The following MPPED2 variants were observed in gnomAD, a reference collection of about 807,000 sequenced individuals.
The protein encoded by MPPED2 is metallophosphoesterase MPPED2.
MPPED2 carries 5 observed loss-of-function variants against 33.0 expected under a neutral mutation model. The observed-to-expected ratio is 0.15, with a 90% CI of 0.08 to 0.32. The LOEUF (loss-of-function observed/expected upper bound fraction) is 0.32. Among genes scored for constraint, MPPED2 ranks in the 10% least tolerant of loss-of-function variants. The pLI is 1.00. For synonymous variants in MPPED2, 136 were observed against 141.9 expected (o/e 0.96, Z 0.29); for missense variants, 275 against 372.1 (o/e 0.74, Z 2.15).
chr11:30,487,555 C>T lies in MPPED2; in HGVS notation c.536+7741G>A, dbSNP rs1169547481. Among the ~76,000 whole-genome samples, 3 of 152,208 alleles carry T rather than the reference C, an allele frequency of 2.0e-5. No individual in the cohort carries two copies. The East Asian group carries it at 5.8e-4, about 29-fold the overall frequency. ...TGAGTGCAGGGGTGTGCTCACGGCT[C>T]ATTGCAACATCGACCTCCCAGACTC... is the stretch of plus-strand genomic sequence containing the variant. On this transcript the variant is annotated intron_variant, in intron 4 of 6. Coordinates refer to ENST00000358117, the MANE Select transcript of MPPED2 (RefSeq NM_001584.3).
In MPPED2 at chr11:30,470,427, G is replaced by C. The variant is rs559868307; in HGVS notation, c.536+24869C>G. Among the ~76,000 whole-genome samples the C allele has an allele frequency of 6.6e-5, 10 of 152,284 alleles. No individual in the cohort carries two copies. The South Asian group carries it at 1.9e-3, about 28-fold the overall frequency. ...AGTAATCGTCTGGAGACAGGGGGTA[G>C]AGGGCAGAGAAATGGCCATTAGTAG... is the stretch of plus-strand genomic sequence containing the variant. On this transcript the variant is annotated intron_variant, in intron 4 of 6. Coordinates refer to ENST00000358117, the MANE Select transcript of MPPED2 (RefSeq NM_001584.3).
chr11:30,580,193 TTC>T (rs869311575), intron 2 of MPPED2, 51 bp downstream of exon 2: 1 of 1,573,212 alleles, frequency 6.4e-7, no homozygotes, highest in Non-Finnish European at 8.7e-7. Flanking sequence ...TTTCTTTTTT[TTC>T]TTTTTATTTT....
chr11:30,502,337 T>A (rs1952608619), intron 3 of MPPED2, among the ~76,000 whole-genome samples: 1 of 152,188 alleles, frequency 6.6e-6, no homozygotes, highest in Non-Finnish European at 1.5e-5. Context: ...ATATTAAGCA[T>A]TTATGGCCCT....
intron 6 of MPPED2, among the ~76,000 whole-genome samples, chr11:30,389,401 G>T (rs929756444): frequency 1.3e-5 from 2 of 152,102 alleles, no homozygotes; most frequent in Non-Finnish European, 2.9e-5. Flanking sequence ...GATGCCCTGG[G>T]GATTGTCTAT....
intron 4 of MPPED2, among the ~76,000 whole-genome samples, chr11:30,471,697 C>T (rs537549713): frequency 3.9e-4 from 60 of 152,268 alleles, no homozygotes; most frequent in African/African-American, 1.4e-3. Flanking sequence ...TTGTCCATTC[C>T]CATATTCCCA....
At chr11:30,558,757 C>T (rs1177714357) in intron 2 of MPPED2, among the ~76,000 whole-genome samples, 1 of 151,930 alleles carries the variant, frequency 6.6e-6, no homozygotes, top group Admixed American at 6.6e-5. Context: ...TTTCTCCCTC[C>T]CTCTTTCCTT....
intron 4 of MPPED2, among the ~76,000 whole-genome samples, chr11:30,417,890 A>G (rs539449104): frequency 2.6e-5 from 4 of 152,280 alleles, no homozygotes; most frequent in Non-Finnish European, 5.9e-5. Flanking sequence ...GCAGGCCTCT[A>G]TCAAAATCTT....
rs867480811 is a variant in MPPED2, at chr11:30,510,644, T to C, written c.311-15123A>G. 5.3e-5 allele frequency among the ~76,000 whole-genome samples: 8 copies of C among 152,358 alleles called. No individual in the cohort carries two copies. In the South Asian group the frequency reaches 1.7e-3, roughly 32 times the overall value. On this transcript the variant is annotated intron_variant, in intron 3 of 6. Coordinates refer to ENST00000358117, the MANE Select transcript of MPPED2 (RefSeq NM_001584.3). ...AGATTATTTTCCTCAGAGTGGAAGC[T>C]AAGGCTCAGATCATTGACTCTTAAA...
chr11:30,423,422 T>C (rs1025010167), intron 4 of MPPED2, among the ~76,000 whole-genome samples: 7 of 152,150 alleles, frequency 4.6e-5, no homozygotes, highest in African/African-American at 1.7e-4. Flanking sequence ...TTGGAAGCCT[T>C]GGGGCAGCTG....
chr11:30,534,965 A>G (rs1267672213), intron 3 of MPPED2, among the ~76,000 whole-genome samples: 2 of 152,206 alleles, frequency 1.3e-5, no homozygotes, highest in African/African-American at 4.8e-5. Context: ...TTAAATGAAA[A>G]CAGCCAAAAG....
At chr11:30,509,181 G>C (rs769322605) in intron 3 of MPPED2, among the ~76,000 whole-genome samples, 41 of 152,060 alleles carry the variant, frequency 2.7e-4, no homozygotes, top group Non-Finnish European at 5.3e-4. Flanking sequence ...TTATACAGGG[G>C]CTTTTTTTAC....
intron 1 of MPPED2, chr11:30,585,030 T>C (rs1957395242): frequency 6.6e-6 from 1 of 152,198 alleles, no homozygotes; most frequent in African/African-American, 2.4e-5. Flanking sequence ...ATAAATCAAC[T>C]TCACTGGGGC....
chr11:30,458,922 T>C (rs1950401000), intron 4 of MPPED2, among the ~76,000 whole-genome samples: 1 of 125,058 alleles, frequency 8.0e-6, no homozygotes, highest in African/African-American at 3.0e-5. Context: ...TTCTTTTTTT[T>C]TTTTTTTTTT....
intron 2 of MPPED2, among the ~76,000 whole-genome samples, chr11:30,569,846 G>T (rs940641042): frequency 6.6e-6 from 1 of 152,108 alleles, no homozygotes; most frequent in African/African-American, 2.4e-5. Context: ...AAGCCAAGTT[G>T]CAATTTTGTC....
rs1948106028 is a variant in MPPED2, at chr11:30,411,575, T to C, written c.778A>G (p.Met260Val). The change falls in exon 7 of 7, where the codon ATG (methionine) becomes GTG (valine). Residue 260 changes from methionine to valine, a missense_variant. Met to Val is a conservative substitution (Grantham distance 21). Transcript: ENST00000358117. ...ATGTACGTTGTGTAACCGTCGGTCA[T>C]GATGCCATAACCTGTGGGGAGAGCG... The part of the protein sequence containing the change: ...FGGIHEGYGI[M>V]TDGYTTYINA... The C allele has an allele frequency of 1.2e-6, 2 of 1,613,374 alleles. No homozygotes were observed. The highest frequency in any genetic ancestry group is 1.7e-6 in the Non-Finnish European group (2 of 1,179,432).
intron 4 of MPPED2, among the ~76,000 whole-genome samples, chr11:30,430,401 A>T (rs1949025884): frequency 6.6e-6 from 1 of 152,234 alleles, no homozygotes; most frequent in African/African-American, 2.4e-5. Context: ...TGTTTAAATG[A>T]TTGCTTTCTG....
intron 3 of MPPED2, among the ~76,000 whole-genome samples, chr11:30,498,183 T>C (rs1952371000): frequency 6.6e-6 from 1 of 152,092 alleles, no homozygotes; most frequent in Non-Finnish European, 1.5e-5. Context: ...CCTGCCTTTT[T>C]CCATTTTATT....
chr11:30,404,198 G>A (rs938385273), intron 6 of MPPED2, among the ~76,000 whole-genome samples: 4 of 152,224 alleles, frequency 2.6e-5, no homozygotes, highest in Admixed American at 2.6e-4. Flanking sequence ...GTTGAGAGAT[G>A]CACAAAGAAA....
intron 3 of MPPED2, among the ~76,000 whole-genome samples, chr11:30,510,943 T>G (rs982562368): frequency 6.6e-6 from 1 of 152,238 alleles, no homozygotes; most frequent in Non-Finnish European, 1.5e-5. Context: ...TTTTTAACTC[T>G]GTCATGTGGC....
Sources: gnomAD v4.1 joint callset for allele counts (sites outside exome capture counted in the v4.1 genomes callset) on GRCh38, gnomAD v4.1.1 for gene constraint, MANE v1.5 for transcripts, NCBI Gene and HGNC (gene_info 2026-07-23, HGNC 2026-07-21) for gene names.